The following ULK1 variants were observed in gnomAD, a reference collection of about 807,000 sequenced individuals.
The protein encoded by ULK1 is serine/threonine-protein kinase ULK1.
A neutral mutation model predicts 117.5 loss-of-function variants in ULK1; 48 were observed. The ratio of observed to expected loss-of-function variants is 0.41; its 90% CI spans 0.32 to 0.52. The LOEUF (loss-of-function observed/expected upper bound fraction) is 0.52, where lower values mean the gene tolerates loss of function less well. Among genes scored for constraint, ULK1 ranks in the 20% least tolerant of loss-of-function variants. The pLI, the probability that ULK1 is intolerant of heterozygous loss-of-function variation, is 0.29. For missense variants in ULK1, 1,387 were observed against 1,473.4 expected, an observed-to-expected ratio of 0.94 and a Z score of 0.96; for synonymous variants, 790 against 637.8, an observed-to-expected ratio of 1.24 and a Z score of -3.60.
In ULK1 at chr12:131,918,642, C is replaced by T. The variant is rs1159082145; in HGVS notation, c.2472C>T (p.Thr824=). 3 of 1,609,104 alleles carry T rather than the reference C, an allele frequency of 1.9e-6. No homozygotes were observed. Among genetic ancestry groups the T allele is most frequent in the Admixed American group, 3.4e-5 (2 of 59,648 alleles). The part of the protein sequence containing the change: ...PITANLEGAV[T]FEAPDLPEET... ...CTGCGAACCTGGAGGGGGCTGTGAC[C>T]TTCGAGGCCCCCGACCTCCCTGAGG... The change falls in exon 23 of 28, where the codon ACC becomes ACT. Residue 824 remains threonine, a synonymous_variant. Transcript: ENST00000321867.
chr12:131,912,911 G>A (rs1013149834), intron 13 of ULK1, among the ~76,000 whole-genome samples: 27 of 152,214 alleles, frequency 1.8e-4, no homozygotes, highest in African/African-American at 5.3e-4. Context: ...AGGCTGGGGG[G>A]CAGGGCCCCA....
chr12:131,900,595 C>T (rs890712159), intron 3 of ULK1, among the ~76,000 whole-genome samples: 2 of 152,154 alleles, frequency 1.3e-5, no homozygotes, highest in African/African-American at 4.8e-5. Flanking sequence ...GCCCAGCATG[C>T]CCTGGGAGGA....
At chr12:131,917,122 G>GCTTGA in intron 21 of ULK1, 60 bp downstream of exon 21, 1 of 1,046,814 alleles carries the variant, frequency 9.6e-7, no homozygotes. Flanking sequence ...GTGGGATGGG[G>GCTTGA]GTCGGAGGCT....
Position 131,921,697 on chromosome 12 carries a change from C to T in ULK1, c.*336C>T, listed in dbSNP as rs1266475996. On this transcript the variant is annotated 3_prime_UTR_variant, in exon 28 of 28. Coordinates refer to ENST00000321867, the MANE Select transcript of ULK1 (RefSeq NM_003565.4). ...ACAGGCAAGGGCCTGAGACCACTGC[C>T]GACTCAAAGCCAAAGCGAGCTCCTG... 2.7e-5 allele frequency: 16 copies of T among 602,526 alleles called. No individual in the cohort carries two copies. Among genetic ancestry groups the T allele is most frequent in the Non-Finnish European group, 4.6e-5 (15 of 325,798 alleles). 37.3% of individuals were successfully genotyped at this position (602,526 alleles called of 1,614,324 possible). A position where few individuals can be genotyped will look rare whatever the true frequency, so the allele number is the denominator to read the frequency against.
rs993158749 is a variant in ULK1, at chr12:131,922,805, TAGA to T, written c.*1452_*1454del. ...GAAATATTGCCACTGTGCTTGGACT[TAGA>T]AGAAGAAAATCCCCGTGACTTCTTC... On this transcript the variant is annotated 3_prime_UTR_variant, in exon 28 of 28. Coordinates refer to ENST00000321867, the MANE Select transcript of ULK1 (RefSeq NM_003565.4). 2.6e-5 allele frequency: 4 copies of T among 152,536 alleles called. No individual in the cohort carries two copies. Among genetic ancestry groups the T allele is most frequent in the Admixed American group, 6.5e-5 (1 of 15,286 alleles). The allele number at this position is 152,536 out of a possible 1,614,324, so 9.4% of individuals were successfully genotyped here.
At chr12:131,898,649 C>T (rs528913037) in intron 3 of ULK1, among the ~76,000 whole-genome samples, 50 of 151,486 alleles carry the variant, frequency 3.3e-4, no homozygotes, top group African/African-American at 1.2e-3. Context: ...TTACAGGCGC[C>T]TGCCACCACG....
intron 3 of ULK1, chr12:131,897,096 T>C (rs144568025): frequency 2.6e-5 from 4 of 152,334 alleles, no homozygotes; most frequent in African/African-American, 9.6e-5. Context: ...CCTCCAGTGT[T>C]GGCAACTCTG....
chr12:131,913,060 C>T (rs1036284819), intron 13 of ULK1, 138 bp from the exon 14 acceptor site: 2 of 738,608 alleles, frequency 2.7e-6, no homozygotes, highest in Admixed American at 4.0e-5. Context: ...CAGGCTCTGC[C>T]CCCCGCAAGG....
At position 131,921,234 on chromosome 12, in the gene ULK1, G is replaced by A. The variant is rs768310962; in HGVS notation, c.3096G>A (p.Lys1032=). Residue 1032 remains lysine, a splice_region_variant and synonymous_variant, in exon 27 of 28, where the codon AAG becomes AAA. Coordinates refer to ENST00000321867, the MANE Select transcript of ULK1 (RefSeq NM_003565.4). ...AGGCCGACATCGAGAACGTCACCAA[G>A]TGTGAGTGCCCGGCTGGGCTGGGGG... ...SDQADIENVT[K]CKLCIERRLS... The A allele has an allele frequency of 1.2e-6, 2 of 1,607,772 alleles. No individual in the cohort carries two copies. The highest frequency in any genetic ancestry group is 1.1e-5 in the South Asian group (1 of 91,084).
Position 131,915,106 on chromosome 12 carries a change from G to A in ULK1, c.1397G>A (p.Gly466Asp), listed in dbSNP as rs370800329. The part of the protein sequence containing the change: ...TPRSSAIRRS[G>D]STSPLGFARA... ...AGGTCCTCTGCCATCCGCAGGTCAG[G>A]CAGCACCAGCCCCCTGGGCTTTGCA... is the stretch of plus-strand genomic sequence containing the variant. Residue 466 changes from glycine (G) to aspartate (D), a missense_variant, in exon 17 of 28, where the codon GGC (glycine) becomes GAC (aspartate). Physicochemically the swap from Gly to Asp is moderately conservative, Grantham distance 94. Around this residue, in one of 4 missense-constraint regions of ULK1, gnomAD observed 900 missense variants for 858.9 expected, o/e 1.05. Transcript: ENST00000321867. 1.0e-5 allele frequency: 16 copies of A among 1,564,714 alleles called. No individual in the cohort carries two copies. The highest frequency in any genetic ancestry group is 2.3e-5 in the East Asian group (1 of 44,408).
At chr12:131,907,998 C>T (rs1371585196) in intron 5 of ULK1, among the ~76,000 whole-genome samples, 1 of 3,830 alleles carries the variant, frequency 2.6e-4, no homozygotes, top group Admixed American at 4.1e-3. Flanking sequence ...CCGGCGGGCG[C>T]GGGGGTGGGT....
chr12:131,918,498 G>T lies in ULK1; in HGVS notation c.2328G>T (p.Ala776=). ...CCCCTCATCGCCCTCTCCCTGCAGC[G>T]GGCCCCACTGGCTCTGCCAGCTCTT... ...PQGPRTRMFS[A]GPTGSASSSA... The change falls in exon 23 of 28, where the codon GCG becomes GCT. Residue 776 remains alanine (A), a splice_region_variant and synonymous_variant. Transcript: ENST00000321867. 1 of 1,608,968 alleles carries T rather than the reference G, an allele frequency of 6.2e-7. No homozygotes were observed.
chr12:131,909,039 G>C, intron 7 of ULK1, 68 bp downstream of exon 7: 1 of 1,610,888 alleles, frequency 6.2e-7, no homozygotes, highest in Non-Finnish European at 8.5e-7. Flanking sequence ...GTTGGCTGGC[G>C]TGTGGTGCGC....
At position 131,919,610 on chromosome 12, in the gene ULK1, AG is replaced by A; in HGVS notation, c.2803+21del. The A allele has an allele frequency of 6.2e-7, 1 of 1,607,966 alleles. No individual in the cohort carries two copies. Among genetic ancestry groups the A allele is most frequent in the Non-Finnish European group, 8.5e-7 (1 of 1,178,030 alleles). ...AGCAGGGTGAGGGCTGCGACCGCTC[AG>A]CCCACATGCCGGGTTGGGGAGGAAG... is the stretch of plus-strand genomic sequence containing the variant. On this transcript the variant is annotated intron_variant, in intron 25 of 27. Transcript: ENST00000321867.
chr12:131,913,649 G>C (rs1185836458), intron 14 of ULK1, 98 bp from the exon 15 acceptor site: 25 of 844,916 alleles, frequency 3.0e-5, no homozygotes, highest in Non-Finnish European at 3.9e-5. Context: ...AGGTTGCAGT[G>C]AGCCGAGATT....
Position 131,921,561 on chromosome 12 carries a change from G to T in ULK1, c.*200G>T. On this transcript the variant is annotated 3_prime_UTR_variant, in exon 28 of 28. Transcript: ENST00000321867. The stretch of plus-strand genomic sequence containing the variant: ...CACATCTGGAGCCACACAGCTTGGG[G>T]GGTGTCTCCCATCTTTTACAGGTGG... The T allele has an allele frequency of 6.7e-6, 5 of 744,098 alleles. No homozygotes were observed. Among genetic ancestry groups the T allele is most frequent in the Non-Finnish European group, 1.1e-5 (5 of 454,178 alleles). The allele number at this position is 744,098 out of a possible 1,614,324, so 46.1% of individuals were successfully genotyped here.
rs1217629198 is a variant in ULK1, at chr12:131,917,104, C to CGGGTTCGGCTT, written c.2182+44_2182+45insGTTCGGCTTGG. The stretch of plus-strand genomic sequence containing the variant: ...GGCTCGGAGGCTGTGGGATGGGGGT[C>CGGGTTCGGCTT]GGAGGCTGTGGGATGGGGGTCGGAG... On this transcript the variant is annotated intron_variant, in intron 21 of 27. Transcript: ENST00000321867. The CGGGTTCGGCTT allele has an allele frequency of 2.3e-5, 22 of 963,802 alleles. 1 individual carries two copies. The highest frequency in any genetic ancestry group is 6.9e-5 in the South Asian group (4 of 58,066). 59.7% of individuals were successfully genotyped at this position (963,802 alleles called of 1,614,324 possible). A position where few individuals can be genotyped will look rare whatever the true frequency, so the allele number is the denominator to read the frequency against.
At position 131,906,639 on chromosome 12, in the gene ULK1, C is replaced by A. The variant is rs1889288306; in HGVS notation, c.247-253C>A. 9 of 572,482 alleles carry A rather than the reference C, an allele frequency of 1.6e-5. No individual in the cohort carries two copies. The South Asian group carries it at 1.6e-4, about 10-fold the overall frequency. 35.5% of individuals were successfully genotyped at this position (572,482 alleles called of 1,614,324 possible). On this transcript the variant is annotated intron_variant, in intron 3 of 27. Coordinates refer to ENST00000321867, the MANE Select transcript of ULK1 (RefSeq NM_003565.4). ...TCCTGCTAGGGGGTATGTCCTCTGCCAGGAGCTGTTGCTCTTATGGGGGGA... is the reference window on the plus strand; with the variant it reads ...TCCTGCTAGGGGGTATGTCCTCTGCAAGGAGCTGTTGCTCTTATGGGGGGA...
At chr12:131,895,212 C>T in intron 1 of ULK1, 100 bp downstream of exon 1, 1 of 883,812 alleles carries the variant, frequency 1.1e-6, no homozygotes, top group Non-Finnish European at 1.6e-6. Context: ...CCCCACGCCT[C>T]CCGAGAGCCC....
Sources: allele counts gnomAD v4.1 joint callset (sites outside exome capture counted in the v4.1 genomes callset), GRCh38; gene constraint gnomAD v4.1.1; regional missense constraint gnomAD v4.1.1; transcripts MANE v1.5; gene names NCBI Gene and HGNC (gene_info 2026-07-23, HGNC 2026-07-21).